SLC35F3: variants seen among roughly 807,000 people sequenced by gnomAD.
The protein encoded by SLC35F3 is solute carrier family 35 member F3, also known as putative thiamine transporter SLC35F3.
Under a neutral mutation model 49.9 loss-of-function variants are expected in SLC35F3, and 25 were observed. That is an observed-to-expected ratio of 0.50 (90% CI 0.37 to 0.70). The LOEUF (loss-of-function observed/expected upper bound fraction) is 0.70, where lower values mean the gene tolerates loss of function less well. Among genes scored for constraint, SLC35F3 ranks in the 30% least tolerant of loss-of-function variants. The pLI is 0.00. For synonymous variants in SLC35F3, 275 were observed against 265.4 expected (o/e 1.04, Z -0.35); for missense variants, 525 against 639.8 (o/e 0.82, Z 1.94).
chr1:234,217,793 A>G (rs776962651), intron 2 of SLC35F3, among the ~76,000 whole-genome samples: 32 of 152,002 alleles, frequency 2.1e-4, no homozygotes, highest in Non-Finnish European at 3.7e-4. Flanking sequence ...GGAAGAGGCC[A>G]TCTAAGAAGG....
chr1:234,053,635 A>G (rs991172690), intron 2 of SLC35F3, among the ~76,000 whole-genome samples: 21 of 152,070 alleles, frequency 1.4e-4, no homozygotes, highest in African/African-American at 4.8e-4. Flanking sequence ...CATTTAGCCC[A>G]TTTACATTTA....
At chr1:234,266,824 G>A (rs4920173) in intron 3 of SLC35F3, among the ~76,000 whole-genome samples, 24,739 of 150,422 alleles carry the variant, frequency 0.16, 2,404 homozygotes, top group South Asian at 0.2. Flanking sequence ...TGAAACCACC[G>A]GTATATATGC....
In SLC35F3 at chr1:234,074,210, T is replaced by C. The variant is rs1016055584; in HGVS notation, c.284-157207T>C. On this transcript the variant is annotated intron_variant, in intron 2 of 7. Transcript: ENST00000366618. Reference sequence around the variant, plus strand: ...ATGTACGTCAAGGTCACGGGTCACATGGCTGGTCAGTAGCAGAAGCTTCCA... The same window carrying C: ...ATGTACGTCAAGGTCACGGGTCACACGGCTGGTCAGTAGCAGAAGCTTCCA... Among the ~76,000 whole-genome samples, 6 of 152,192 alleles carry C rather than the reference T, an allele frequency of 3.9e-5. No homozygotes were observed. The South Asian group carries it at 8.3e-4, about 21-fold the overall frequency.
chr1:234,254,426 G>A (rs594929), intron 3 of SLC35F3, among the ~76,000 whole-genome samples: 120,556 of 152,146 alleles, frequency 0.79, 47,975 homozygotes, highest in East Asian at 0.88. Context: ...TCAAACCATC[G>A]GAGAGAAATG....
intron 2 of SLC35F3, among the ~76,000 whole-genome samples, chr1:234,193,436 A>G (rs1666759724): frequency 6.6e-6 from 1 of 152,208 alleles, no homozygotes; most frequent in Non-Finnish European, 1.5e-5. Context: ...CTTACACAAA[A>G]ATCAACTCAA....
At chr1:234,170,058 C>T (rs1344432460) in intron 2 of SLC35F3, among the ~76,000 whole-genome samples, 2 of 152,212 alleles carry the variant, frequency 1.3e-5, no homozygotes, top group Non-Finnish European at 2.9e-5. Flanking sequence ...TGAGCCACTG[C>T]ACCTGGCCTC....
chr1:234,131,203 A>G lies in SLC35F3; in HGVS notation c.284-100214A>G, dbSNP rs573943567. ...TTCTATTTTTGCCGTGTATGCTTAA[A>G]ATTTGTCGTTTTCCTGTGTGCATAT... is the stretch of plus-strand genomic sequence containing the variant. On this transcript the variant is annotated intron_variant, in intron 2 of 7. Transcript: ENST00000366618. Among the ~76,000 whole-genome samples, 197 of 152,248 alleles carry G rather than the reference A, an allele frequency of 1.3e-3. 1 individual carries two copies. Among genetic ancestry groups the G allele is most frequent in the Non-Finnish European group, 1.8e-3 (125 of 68,016 alleles).
intron 3 of SLC35F3, among the ~76,000 whole-genome samples, chr1:234,296,159 T>C (rs1668589977): frequency 6.6e-6 from 1 of 152,292 alleles, no homozygotes; most frequent in East Asian, 1.9e-4. Context: ...GGATGTGCTT[T>C]CTTAAAGCAG....
chr1:234,007,617 C>G (rs887063507), intron 2 of SLC35F3, among the ~76,000 whole-genome samples: 1 of 152,182 alleles, frequency 6.6e-6, no homozygotes, highest in Non-Finnish European at 1.5e-5. Context: ...ATTAAGTTTC[C>G]TTTGCTTCCT....
chr1:234,278,219 G>C (rs113419467), intron 3 of SLC35F3, among the ~76,000 whole-genome samples: 5 of 151,906 alleles, frequency 3.3e-5, no homozygotes, highest in African/African-American at 9.7e-5. Context: ...GGCCGGGTGC[G>C]GTGGCTCATG....
intron 2 of SLC35F3, among the ~76,000 whole-genome samples, chr1:234,063,932 C>G (rs1393623022): frequency 6.6e-6 from 1 of 152,148 alleles, no homozygotes; most frequent in Non-Finnish European, 1.5e-5. Context: ...TGAAGATAGT[C>G]CTACATGTGG....
chr1:234,243,088 C>T (rs561026601), intron 3 of SLC35F3, among the ~76,000 whole-genome samples: 69 of 152,296 alleles, frequency 4.5e-4, no homozygotes, highest in Admixed American at 1.2e-3. Context: ...TGTGGTAGCT[C>T]ATGCCTGTAA....
chr1:233,910,950 C>T (rs1004492060), intron 2 of SLC35F3, among the ~76,000 whole-genome samples: 2 of 152,156 alleles, frequency 1.3e-5, no homozygotes, highest in South Asian at 4.1e-4. Context: ...GCAACGTGAA[C>T]CTGGGACAGG....
chr1:234,075,498 A>T lies in SLC35F3; in HGVS notation c.284-155919A>T, dbSNP rs79473792. ...AGGCACATTGTGCTGATAAAGTGAT[A>T]GAATAAGAATAGTTATTTTGAGAAG... is the stretch of plus-strand genomic sequence containing the variant. On this transcript the variant is annotated intron_variant, in intron 2 of 7. Transcript: ENST00000366618. Among the ~76,000 whole-genome samples the T allele has an allele frequency of 0.026, 4,022 of 152,352 alleles. 313 individuals carry two copies. The East Asian group carries it at 0.31, about 12-fold the overall frequency.
intron 2 of SLC35F3, among the ~76,000 whole-genome samples, chr1:234,198,709 A>T (rs552729754): frequency 1.1e-4 from 17 of 152,320 alleles, no homozygotes; most frequent in Non-Finnish European, 2.1e-4. Flanking sequence ...TTGTAGAAAG[A>T]TTAAGTCAAG....
At chr1:234,036,759 G>A (rs1558211549) in intron 2 of SLC35F3, among the ~76,000 whole-genome samples, 1 of 152,148 alleles carries the variant, frequency 6.6e-6, no homozygotes. Context: ...TTATTTTAGT[G>A]CCACCTCATT....
At chr1:234,243,842 T>C (rs1667591932) in intron 3 of SLC35F3, among the ~76,000 whole-genome samples, 1 of 152,204 alleles carries the variant, frequency 6.6e-6, no homozygotes, top group Admixed American at 6.5e-5. Flanking sequence ...GGCATCTAAC[T>C]TGGGCTAAGT....
chr1:233,921,542 T>C (rs1662059421), intron 2 of SLC35F3, among the ~76,000 whole-genome samples: 1 of 152,220 alleles, frequency 6.6e-6, no homozygotes, highest in Admixed American at 6.5e-5. Flanking sequence ...ATGCTCTACC[T>C]ATTCATCCCT....
chr1:234,147,782 A>G (rs1462443808), intron 2 of SLC35F3, among the ~76,000 whole-genome samples: 2 of 152,180 alleles, frequency 1.3e-5, no homozygotes, highest in Non-Finnish European at 2.9e-5. Flanking sequence ...CGTGGTTTTC[A>G]AGCTTCATTG....
Sources: allele counts gnomAD v4.1 joint callset (sites outside exome capture counted in the v4.1 genomes callset), GRCh38; gene constraint gnomAD v4.1.1; transcripts MANE v1.5; gene names NCBI Gene and HGNC (gene_info 2026-07-23, HGNC 2026-07-21).